The following RBM27 variants were observed in gnomAD, a reference collection of about 807,000 sequenced individuals.
The protein encoded by RBM27 is RNA binding motif protein 27.
Under a neutral mutation model 135.3 loss-of-function variants are expected in RBM27, and 22 were observed. The ratio of observed to expected loss-of-function variants is 0.16; its 90% CI spans 0.12 to 0.23. The LOEUF is 0.23. RBM27 is among the 10% of genes least tolerant of loss of function. The probability of loss-of-function intolerance (pLI) is 1.00; values close to 1 mark genes in which losing one functional copy is unlikely to be tolerated. For missense variants in RBM27, 1,009 were observed against 1,281.0 expected, an observed-to-expected ratio of 0.79 and a Z score of 3.24; for synonymous variants, 481 against 442.4, an observed-to-expected ratio of 1.09 and a Z score of -1.10.
intron 19 of RBM27, among the ~76,000 whole-genome samples, chr5:146,282,394 C>T (rs1561572621): frequency 6.6e-6 from 1 of 152,158 alleles, no homozygotes; most frequent in East Asian, 1.9e-4. Context: ...TTTAACTACA[C>T]ATGTACACAC....
At chr5:146,277,651 C>T (rs1759150114) in intron 19 of RBM27, among the ~76,000 whole-genome samples, 1 of 150,704 alleles carries the variant, frequency 6.6e-6, no homozygotes, top group Admixed American at 6.6e-5. Flanking sequence ...GCCACCCGAG[C>T]AGCTGGGACC....
At chr5:146,248,207 G>C (rs1757714735) in intron 8 of RBM27, among the ~76,000 whole-genome samples, 1 of 149,270 alleles carries the variant, frequency 6.7e-6, no homozygotes, top group South Asian at 2.1e-4. Flanking sequence ...TTAATCAATA[G>C]GAGCCTCTTC....
At chr5:146,282,853 C>G (rs1166834470) in intron 19 of RBM27, among the ~76,000 whole-genome samples, 1 of 152,150 alleles carries the variant, frequency 6.6e-6, no homozygotes, top group African/African-American at 2.4e-5. Flanking sequence ...GAATTCCTAA[C>G]TTGGTAGCGT....
chr5:146,275,499 C>T (rs1226534735), intron 19 of RBM27, among the ~76,000 whole-genome samples: 1 of 152,010 alleles, frequency 6.6e-6, no homozygotes, highest in Non-Finnish European at 1.5e-5. Context: ...AACTCCTGAC[C>T]TCAGGTGATC....
At chr5:146,257,645 A>G (rs2126838451) in intron 10 of RBM27, among the ~76,000 whole-genome samples, 1 of 152,330 alleles carries the variant, frequency 6.6e-6, no homozygotes, top group African/African-American at 2.4e-5. Flanking sequence ...ATATAAGCAC[A>G]GTATTATTGC....
rs1759563779 is a variant in RBM27 at position 146,285,940 on chromosome 5, T to G, written c.3100-7T>G. On this transcript the variant is annotated splice_polypyrimidine_tract_variant and splice_region_variant and intron_variant, in intron 20 of 20. Transcript: ENST00000265271. The stretch of plus-strand genomic sequence containing the variant: ...CACTAAGCAGATTTTAACCTCTCTT[T>G]CTTCAGGAAACAGAAACCTCAGATT... 6.2e-7 allele frequency: 1 copy of G among 1,609,212 alleles called. No homozygotes were observed. Among genetic ancestry groups the G allele is most frequent in the Admixed American group, 1.7e-5 (1 of 59,690 alleles).
intron 1 of RBM27, among the ~76,000 whole-genome samples, chr5:146,217,283 A>G (rs748940221): frequency 3.3e-5 from 5 of 152,096 alleles, no homozygotes; most frequent in Non-Finnish European, 7.4e-5. Context: ...ATGGATGTTT[A>G]AAGAACCAGC....
At chr5:146,264,205 CAG>C (rs1207689045) in intron 14 of RBM27, among the ~76,000 whole-genome samples, 1 of 151,806 alleles carries the variant, frequency 6.6e-6, no homozygotes, top group Non-Finnish European at 1.5e-5. Context: ...TTTTTTGAGA[CAG>C]AGTTTTGCTC....
intron 7 of RBM27, among the ~76,000 whole-genome samples, chr5:146,236,871 C>T (rs542421498): frequency 3.0e-4 from 44 of 148,434 alleles, no homozygotes; most frequent in Non-Finnish European, 5.8e-4. Flanking sequence ...TGATCTGCCT[C>T]GGCCTCCCAA....
chr5:146,229,666 C>A, intron 4 of RBM27, 51 bp from the exon 5 acceptor site: 1 of 1,447,882 alleles, frequency 6.9e-7, no homozygotes, highest in Non-Finnish European at 9.5e-7. Context: ...GATTTGTTTG[C>A]AGACTTGGTT....
chr5:146,234,098 C>T (rs1167927457), intron 7 of RBM27, among the ~76,000 whole-genome samples: 1 of 151,972 alleles, frequency 6.6e-6, no homozygotes, highest in African/African-American at 2.4e-5. Context: ...GAACTCCTGG[C>T]CTCAAGCAGT....
At chr5:146,215,878 G>A (rs1199445364) in intron 1 of RBM27, among the ~76,000 whole-genome samples, 1 of 151,866 alleles carries the variant, frequency 6.6e-6, no homozygotes, top group East Asian at 1.9e-4. Flanking sequence ...AGTCTCCCAA[G>A]TAGCTGGGAT....
chr5:146,271,617 A>T lies in RBM27; in HGVS notation c.2931A>T (p.Ala977=), dbSNP rs1232926231. The T allele has an allele frequency of 6.2e-7, 1 of 1,613,972 alleles. No homozygotes were observed. Among genetic ancestry groups the T allele is most frequent in the Non-Finnish European group, 8.5e-7 (1 of 1,179,970 alleles). ...NHMVVDHRPK[A]LTVGGFIEEE... Reference sequence around the variant, plus strand: ...TGGTGGTGGACCATCGTCCCAAAGCACTAACAGTTGGAGGATTCATTGAGG... The same window carrying T: ...TGGTGGTGGACCATCGTCCCAAAGCTCTAACAGTTGGAGGATTCATTGAGG... The change falls in exon 19 of 21, where the codon GCA becomes GCT. Residue 977 remains alanine (A), a synonymous_variant. Transcript: ENST00000265271.
chr5:146,276,713 G>T (rs1374607499), intron 19 of RBM27, among the ~76,000 whole-genome samples: 4 of 152,168 alleles, frequency 2.6e-5, no homozygotes, highest in Non-Finnish European at 4.4e-5. Flanking sequence ...TTTGGAGAAA[G>T]TTTTTTAGAT....
chr5:146,283,060 T>A (rs2126921060), intron 19 of RBM27, among the ~76,000 whole-genome samples: 1 of 152,308 alleles, frequency 6.6e-6, no homozygotes, highest in Non-Finnish European at 1.5e-5. Context: ...AACACAGTTA[T>A]TACAGATTTA....
chr5:146,277,144 T>G (rs1230580344), intron 19 of RBM27, among the ~76,000 whole-genome samples: 1 of 152,232 alleles, frequency 6.6e-6, no homozygotes, highest in East Asian at 1.9e-4. Context: ...TTTTGAAAAT[T>G]TCTTTACAAA....
At chr5:146,203,851 C>A (rs1425293832) in intron 1 of RBM27, 27 bp downstream of exon 1, 3 of 997,036 alleles carry the variant, frequency 3.0e-6, no homozygotes, top group Non-Finnish European at 3.9e-6. Flanking sequence ...GGGCCGGGGC[C>A]GGCGAACGTG....
At chr5:146,212,407 G>GGCAT (rs748877289) in intron 1 of RBM27, among the ~76,000 whole-genome samples, 14 of 152,022 alleles carry the variant, frequency 9.2e-5, no homozygotes, top group Non-Finnish European at 1.9e-4. Flanking sequence ...GGAGTGCAGT[G>GGCAT]GCATGGTCAT....
At chr5:146,223,295 T>C (rs1756534861) in intron 2 of RBM27, 108 bp from the exon 3 acceptor site, 2 of 981,876 alleles carry the variant, frequency 2.0e-6, no homozygotes, top group Non-Finnish European at 1.5e-6. Flanking sequence ...TTTTTAGTCC[T>C]ACTAGCAGTG....
Sources: allele counts gnomAD v4.1 joint callset (sites outside exome capture counted in the v4.1 genomes callset), GRCh38; gene constraint gnomAD v4.1.1; transcripts MANE v1.5; gene names NCBI Gene and HGNC (gene_info 2026-07-23, HGNC 2026-07-21).